Variants in NRXN1 observed in about 807,000 individuals in gnomAD.
NRXN1 encodes neurexin 1.
Under a neutral mutation model 150.9 loss-of-function variants are expected in NRXN1, and 39 were observed. That is an observed-to-expected ratio of 0.26 (90% CI 0.20 to 0.34). NRXN1 has a LOEUF of 0.34. NRXN1 is among the 10% of genes least tolerant of loss of function. The probability of loss-of-function intolerance (pLI) is 1.00; values close to 1 mark genes in which losing one functional copy is unlikely to be tolerated. For missense variants in NRXN1, 1,815 were observed against 1,949.9 expected, an observed-to-expected ratio of 0.93 and a Z score of 1.30; for synonymous variants, 924 against 757.0, an observed-to-expected ratio of 1.22 and a Z score of -3.62.
intron 17 of NRXN1, among the ~76,000 whole-genome samples, chr2:50,349,247 G>A (rs1331713630): frequency 2.6e-5 from 4 of 152,084 alleles, no homozygotes; most frequent in South Asian, 2.1e-4. Context: ...TAAATATGCC[G>A]TGTCTCCCAA....
intron 18 of NRXN1, among the ~76,000 whole-genome samples, chr2:50,234,218 G>T (rs1201962861): frequency 6.6e-6 from 1 of 152,076 alleles, no homozygotes; most frequent in African/African-American, 2.4e-5. Flanking sequence ...AAAAGGCCGG[G>T]CACGGTGGCT....
At chr2:50,828,023 C>A (rs552234643) in intron 5 of NRXN1, among the ~76,000 whole-genome samples, 263 of 149,796 alleles carry the variant, frequency 1.8e-3, no homozygotes, top group Non-Finnish European at 2.9e-3. Context: ...ACAGACAGGG[C>A]AACCATCCGA....
At position 50,100,171 on chromosome 2, in the gene NRXN1, C is replaced by T. The variant is rs2198331; in HGVS notation, c.3547-8677G>A. 4.4e-3 allele frequency among the ~76,000 whole-genome samples: 663 copies of T among 152,156 alleles called. 4 individuals carry two copies. Among genetic ancestry groups the T allele is most frequent in the Non-Finnish European group, 6.9e-3 (472 of 67,956 alleles). ...ATTTAGGAGGAGAAAGAGGACTTTGCATTAGGTTGAAGTATCAGTAATCTG... is the reference window on the plus strand; with the variant it reads ...ATTTAGGAGGAGAAAGAGGACTTTGTATTAGGTTGAAGTATCAGTAATCTG... On this transcript the variant is annotated intron_variant, in intron 18 of 22. Transcript: ENST00000401669.
chr2:50,732,474 G>A (rs967440385), intron 5 of NRXN1, among the ~76,000 whole-genome samples: 1 of 152,134 alleles, frequency 6.6e-6, no homozygotes, highest in African/African-American at 2.4e-5. Flanking sequence ...AATGCGGTCT[G>A]TACTTTTCAC....
At chr2:50,557,410 G>A (rs1007151985) in intron 8 of NRXN1, among the ~76,000 whole-genome samples, 1 of 152,104 alleles carries the variant, frequency 6.6e-6, no homozygotes, top group Non-Finnish European at 1.5e-5. Context: ...CTCCCTGAGA[G>A]AACATGAATG....
chr2:50,986,359 G>C (rs1558538198), intron 2 of NRXN1, among the ~76,000 whole-genome samples: 1 of 151,638 alleles, frequency 6.6e-6, no homozygotes, highest in Non-Finnish European at 1.5e-5. Context: ...CCATGTGTGA[G>C]TTAAATATGG....
At chr2:50,899,251 G>A (rs972914794) in intron 5 of NRXN1, among the ~76,000 whole-genome samples, 3 of 152,244 alleles carry the variant, frequency 2.0e-5, no homozygotes, top group South Asian at 2.1e-4. Flanking sequence ...GGATTCCACC[G>A]TAATTTCTGA....
chr2:50,256,181 G>A (rs1424592099), intron 17 of NRXN1, among the ~76,000 whole-genome samples: 1 of 152,086 alleles, frequency 6.6e-6, no homozygotes, highest in African/African-American at 2.4e-5. Flanking sequence ...TATTAAATTG[G>A]CAAGCAATTT....
intron 5 of NRXN1, chr2:50,656,344 A>C: frequency 1.3e-6 from 1 of 775,058 alleles, no homozygotes; most frequent in Non-Finnish European, 2.4e-6. Flanking sequence ...CTATACTCTA[A>C]AGAGTACCTG....
intron 17 of NRXN1, among the ~76,000 whole-genome samples, chr2:50,421,607 A>G (rs1253806089): frequency 2.6e-5 from 4 of 152,144 alleles, no homozygotes; most frequent in Non-Finnish European, 5.9e-5. Context: ...AGATGAATAT[A>G]ATTAGCAAGA....
chr2:50,945,386 C>A (rs550503131), intron 2 of NRXN1, among the ~76,000 whole-genome samples: 1 of 152,104 alleles, frequency 6.6e-6, no homozygotes, highest in Non-Finnish European at 1.5e-5. Flanking sequence ...ATTGCTTGAG[C>A]CCAAGAGGTG....
chr2:50,654,778 C>T (rs1686167407), intron 5 of NRXN1, among the ~76,000 whole-genome samples: 1 of 151,956 alleles, frequency 6.6e-6, no homozygotes, highest in Non-Finnish European at 1.5e-5. Flanking sequence ...CTCTGATGGC[C>T]AGTGATGATG....
intron 18 of NRXN1, among the ~76,000 whole-genome samples, chr2:50,132,109 G>A (rs960110931): frequency 2.0e-5 from 3 of 152,060 alleles, no homozygotes; most frequent in East Asian, 1.9e-4. Context: ...GACCTCAAGC[G>A]TATTTTGCTC....
chr2:49,983,697 T>C (rs1680388256), intron 21 of NRXN1, among the ~76,000 whole-genome samples: 1 of 152,140 alleles, frequency 6.6e-6, no homozygotes, highest in Non-Finnish European at 1.5e-5. Context: ...GTAAATAAGA[T>C]TAGAAACCAC....
At chr2:50,919,712 A>G (rs1291330080) in intron 5 of NRXN1, 1 of 153,998 alleles carries the variant, frequency 6.5e-6, no homozygotes, top group African/African-American at 2.4e-5. Flanking sequence ...ATTTAACTCC[A>G]CATAGGAAAT....
At chr2:50,911,669 G>C (rs1274997402) in intron 5 of NRXN1, among the ~76,000 whole-genome samples, 1 of 151,808 alleles carries the variant, frequency 6.6e-6, no homozygotes, top group Non-Finnish European at 1.5e-5. Context: ...TTGCTGTTTA[G>C]CTTTTCCTTG....
At position 50,720,906 on chromosome 2, in the gene NRXN1, G is replaced by C. The variant is rs557534464; in HGVS notation, c.833-97291C>G. Among the ~76,000 whole-genome samples, 9 of 152,264 alleles carry C rather than the reference G, an allele frequency of 5.9e-5. No homozygotes were observed. In the East Asian group the frequency reaches 1.5e-3, roughly 26 times the overall value. ...GAACAGCTTGTCACTCCTAGATGCA[G>C]TGCAATGTCTGCATCTTACTGCAGC... On this transcript the variant is annotated intron_variant, in intron 5 of 22. Coordinates refer to ENST00000401669, the MANE Select transcript of NRXN1 (RefSeq NM_001330078.2).
At chr2:50,303,269 A>C (rs1234204296) in intron 17 of NRXN1, among the ~76,000 whole-genome samples, 1 of 152,186 alleles carries the variant, frequency 6.6e-6, no homozygotes, top group African/African-American at 2.4e-5. Flanking sequence ...CTATGCATGC[A>C]TTGGATACAT....
chr2:50,809,186 G>A (rs1667898875), intron 5 of NRXN1, among the ~76,000 whole-genome samples: 1 of 152,082 alleles, frequency 6.6e-6, no homozygotes. Flanking sequence ...TTGTTAGAAT[G>A]AGCTAGGTGT....
Sources: allele counts gnomAD v4.1 joint callset (sites outside exome capture counted in the v4.1 genomes callset), GRCh38; gene constraint gnomAD v4.1.1; transcripts MANE v1.5; gene names NCBI Gene and HGNC (gene_info 2026-07-23, HGNC 2026-07-21).